Variants in DPYD observed in about 807,000 individuals in gnomAD.
The protein encoded by DPYD is dihydropyrimidine dehydrogenase [NADP(+)].
In DPYD, 109 loss-of-function variants were observed where a neutral mutation model predicts 116.2. The ratio of observed to expected loss-of-function variants is 0.94; its 90% CI spans 0.80 to 1.10. The LOEUF (loss-of-function observed/expected upper bound fraction) is 1.10. DPYD is among the 50% of genes least tolerant of loss of function. The pLI is 0.00. For synonymous variants in DPYD, 440 were observed against 432.0 expected (o/e 1.02, Z -0.23); for missense variants, 1,302 against 1,254.5 (o/e 1.04, Z -0.57).
intron 14 of DPYD, among the ~76,000 whole-genome samples, chr1:97,422,641 G>A (rs951064181): frequency 2.6e-5 from 4 of 152,100 alleles, no homozygotes; most frequent in African/African-American, 7.2e-5. Context: ...ACATGACAGG[G>A]TGGTGGATTC....
At chr1:97,291,552 T>C (rs186039942) in intron 18 of DPYD, among the ~76,000 whole-genome samples, 6,248 of 152,218 alleles carry the variant, frequency 0.041, 168 homozygotes, top group Middle Eastern at 0.11. Flanking sequence ...ATGGATGAAA[T>C]TGGAAATCAT....
intron 5 of DPYD, among the ~76,000 whole-genome samples, chr1:97,713,699 A>T (rs1410450897): frequency 2.0e-5 from 3 of 152,158 alleles, no homozygotes; most frequent in Non-Finnish European, 4.4e-5. Context: ...ACATTTTACC[A>T]GGGTAAAAAA....
intron 20 of DPYD, among the ~76,000 whole-genome samples, chr1:97,100,741 A>C (rs1650613676): frequency 6.6e-6 from 1 of 152,124 alleles, no homozygotes; most frequent in Non-Finnish European, 1.5e-5. Flanking sequence ...GCAGACAATG[A>C]ATGTAGTTAA....
intron 19 of DPYD, among the ~76,000 whole-genome samples, chr1:97,218,298 T>C (rs909971363): frequency 6.6e-6 from 1 of 151,890 alleles, no homozygotes; most frequent in African/African-American, 2.4e-5. Context: ...AAAAAATGAA[T>C]GCATTAAGAA....
At chr1:97,402,830 A>C (rs1484603981) in intron 14 of DPYD, among the ~76,000 whole-genome samples, 1 of 152,012 alleles carries the variant, frequency 6.6e-6, no homozygotes, top group African/African-American at 2.4e-5. Context: ...TGGGTGTTGA[A>C]TTTTGTCAAA....
At chr1:97,262,634 C>G (rs1231500494) in intron 18 of DPYD, among the ~76,000 whole-genome samples, 1 of 152,050 alleles carries the variant, frequency 6.6e-6, no homozygotes, top group Non-Finnish European at 1.5e-5. Flanking sequence ...GAAGCCTCTA[C>G]AGAATTAGCA....
chr1:97,675,964 G>C (rs548419592), intron 8 of DPYD, among the ~76,000 whole-genome samples: 50 of 152,078 alleles, frequency 3.3e-4, no homozygotes, highest in African/African-American at 1.2e-3. Flanking sequence ...GGCCAGGATG[G>C]TCTCGATCTC....
intron 14 of DPYD, among the ~76,000 whole-genome samples, chr1:97,442,048 C>A (rs187197073): frequency 6.6e-6 from 1 of 152,236 alleles, no homozygotes. Flanking sequence ...TAGTCCATGT[C>A]ATTCCTCCTT....
chr1:97,803,580 CAG>C (rs961127211), intron 3 of DPYD, among the ~76,000 whole-genome samples: 12 of 151,864 alleles, frequency 7.9e-5, no homozygotes, highest in Non-Finnish European at 1.5e-4. Context: ...ACACAAAAAA[CAG>C]AGAGATGAGA....
chr1:97,359,027 G>A (rs914377710), intron 16 of DPYD, among the ~76,000 whole-genome samples: 2 of 152,092 alleles, frequency 1.3e-5, no homozygotes, highest in African/African-American at 2.4e-5. Context: ...GCTAAAGGAG[G>A]ATGTTCGAAC....
intron 8 of DPYD, among the ~76,000 whole-genome samples, chr1:97,655,467 C>T (rs1658852617): frequency 6.6e-6 from 1 of 152,186 alleles, no homozygotes; most frequent in Non-Finnish European, 1.5e-5. Flanking sequence ...CCTTCCACTG[C>T]TGCCTGCTGA....
At chr1:97,332,987 C>T (rs988639562) in intron 16 of DPYD, among the ~76,000 whole-genome samples, 1 of 151,190 alleles carries the variant, frequency 6.6e-6, no homozygotes, top group Non-Finnish European at 1.5e-5. Context: ...AGTCTCAACT[C>T]TTTTTTTAAC....
intron 4 of DPYD, among the ~76,000 whole-genome samples, chr1:97,724,159 A>T (rs929966566): frequency 7.3e-5 from 11 of 151,652 alleles, no homozygotes; most frequent in Non-Finnish European, 1.3e-4. Flanking sequence ...AAAGGCCTCT[A>T]CAAAAACCCA....
chr1:97,872,133 A>G (rs1671687142), intron 2 of DPYD, among the ~76,000 whole-genome samples: 4 of 151,866 alleles, frequency 2.6e-5, no homozygotes, highest in Admixed American at 2.6e-4. Context: ...TCTACTGACA[A>G]CTGAGCTCTT....
At chr1:97,600,009 C>A (rs951458205) in intron 8 of DPYD, among the ~76,000 whole-genome samples, 11 of 151,804 alleles carry the variant, frequency 7.2e-5, no homozygotes, top group Admixed American at 6.6e-5. Flanking sequence ...CGCACCACTG[C>A]ACTCCAGGCT....
intron 20 of DPYD, among the ~76,000 whole-genome samples, chr1:97,108,810 T>G (rs1439635913): frequency 6.6e-6 from 1 of 152,032 alleles, no homozygotes; most frequent in Admixed American, 6.6e-5. Context: ...TGAGACACAC[T>G]CTATAGAAAA....
At chr1:97,408,581 T>C (rs1045672286) in intron 14 of DPYD, among the ~76,000 whole-genome samples, 10 of 152,242 alleles carry the variant, frequency 6.6e-5, no homozygotes, top group African/African-American at 2.4e-4. Flanking sequence ...GAGATGTGTA[T>C]GGGTTCATGT....
At chr1:97,373,760 C>T (rs1304900718) in intron 15 of DPYD, 116 bp from the exon 16 acceptor site, 1 of 869,712 alleles carries the variant, frequency 1.1e-6, no homozygotes, top group Non-Finnish European at 1.9e-6. Flanking sequence ...CTGTTTTCTG[C>T]ATCACAGCTA....
At chr1:97,718,260 A>G (rs1381199556) in intron 5 of DPYD, among the ~76,000 whole-genome samples, 2 of 151,392 alleles carry the variant, frequency 1.3e-5, no homozygotes, top group Non-Finnish European at 2.9e-5. Flanking sequence ...GGCCATTTGT[A>G]TATCTTATTT....
Sources: gnomAD v4.1 joint callset for allele counts (sites outside exome capture counted in the v4.1 genomes callset) on GRCh38, gnomAD v4.1.1 for gene constraint, MANE v1.5 for transcripts, NCBI Gene and HGNC (gene_info 2026-07-23, HGNC 2026-07-21) for gene names.